GATM: variants seen among roughly 807,000 people sequenced by gnomAD.
GATM encodes glycine amidinotransferase, mitochondrial.
Under a neutral mutation model 54.2 loss-of-function variants are expected in GATM, and 23 were observed. The observed-to-expected ratio is 0.42, with a 90% CI of 0.31 to 0.60. The LOEUF is 0.60. Among genes scored for constraint, GATM ranks in the 20% least tolerant of loss-of-function variants. The pLI is 0.14. For missense variants in GATM, 401 were observed against 544.9 expected, an observed-to-expected ratio of 0.74 and a Z score of 2.63; for synonymous variants, 168 against 183.1, an observed-to-expected ratio of 0.92 and a Z score of 0.67.
At chr15:45,363,139 G>A (rs1329460587) in intron 8 of GATM, among the ~76,000 whole-genome samples, 3 of 152,088 alleles carry the variant, frequency 2.0e-5, no homozygotes, top group African/African-American at 7.2e-5. Context: ...AGGCATGGTG[G>A]TGTATGCTTG....
chr15:45,370,012 A>C (rs1426582152), intron 2 of GATM, among the ~76,000 whole-genome samples: 1 of 152,180 alleles, frequency 6.6e-6, no homozygotes, highest in Non-Finnish European at 1.5e-5. Flanking sequence ...TATTTTGTGA[A>C]GGGAAAAAAA....
At chr15:45,370,806 T>G (rs1443427902) in intron 2 of GATM, among the ~76,000 whole-genome samples, 1 of 152,258 alleles carries the variant, frequency 6.6e-6, no homozygotes, top group Non-Finnish European at 1.5e-5. Flanking sequence ...AGTCTCACTC[T>G]GTTGCCCAGA....
At chr15:45,382,297 G>T (rs1889750690), upstream of GATM, among the ~76,000 whole-genome samples, 1 of 152,134 alleles carries the variant, frequency 6.6e-6, no homozygotes, top group Non-Finnish European at 1.5e-5. Context: ...CTTGGCATAG[G>T]GGAGTTACCC....
chr15:45,397,078 C>T (rs1408494744), exon 3 of GATM: 1 of 151,576 alleles, frequency 6.6e-6, no homozygotes, highest in Admixed American at 6.6e-5. Flanking sequence ...ACCTTCTCTC[C>T]TTTCCTGTTG....
intron 3 of GATM, among the ~76,000 whole-genome samples, chr15:45,393,835 T>A (rs1313507002): frequency 6.6e-6 from 1 of 152,192 alleles, no homozygotes; most frequent in Admixed American, 6.5e-5. Flanking sequence ...ATGCTGAGCA[T>A]TTTGCATTTT....
chr15:45,385,086 A>G lies in GATM; in HGVS notation c.-318-8267T>C, dbSNP rs78435717. 9.8e-5 allele frequency among the ~76,000 whole-genome samples: 15 copies of G among 152,342 alleles called. No homozygotes were observed. The East Asian group carries it at 2.7e-3, about 27-fold the overall frequency. On this transcript the variant is annotated intron_variant, in intron 3 of 4. Transcript: ENST00000561148. ...GACAGTGCCCAAAAGTGAGGAAGTC[A>G]TATTGGCTAATTCCAGAAATGATGC...
chr15:45,377,407 G>A (rs934651870), intron 1 of GATM: 5 of 384,902 alleles, frequency 1.3e-5, no homozygotes, highest in Non-Finnish European at 2.5e-5. Context: ...AATTCTGAGA[G>A]TGAGCAACTG....
rs750115086 is a variant in GATM, at chr15:45,395,851, TA to T, written c.-319+1070del. On this transcript the variant is annotated intron_variant, in intron 3 of 4. Coordinates refer to the GATM transcript ENST00000561148. Reference sequence around the variant, plus strand: ...CGCACATTTCCTGGTACAGAATGAATAAAAAAAAAATGGCATTCAAGCTTTC... The same window carrying T: ...CGCACATTTCCTGGTACAGAATGAATAAAAAAAAATGGCATTCAAGCTTTC... Among the ~76,000 whole-genome samples the T allele has an allele frequency of 6.0e-3, 901 of 149,310 alleles. 11 individuals are homozygous for T. The highest frequency in any genetic ancestry group is 0.021 in the African/African-American group (858 of 40,736).
intron 6 of GATM, 83 bp from the exon 7 acceptor site, chr15:45,364,943 A>G (rs1273966549): frequency 9.0e-7 from 1 of 1,117,082 alleles, no homozygotes. Context: ...CCTTATCAGT[A>G]ATAATTCTCT....
exon 1 of GATM, chr15:45,402,145 T>A: frequency 2.1e-6 from 1 of 475,664 alleles, no homozygotes. Context: ...CCTAGTGAAG[T>A]GAGCTTAAGC....
chr15:45,366,238 G>A (rs1274445588), intron 5 of GATM, 28 bp from the exon 6 acceptor site: 5 of 1,612,988 alleles, frequency 3.1e-6, no homozygotes, highest in African/African-American at 2.7e-5. Context: ...ACATACGATC[G>A]ATAAATATTT....
In GATM at chr15:45,362,192, T is replaced by C; in HGVS notation, c.1189A>G (p.Asn397Asp). The change falls in exon 9 of 9, where the codon AAT (asparagine) becomes GAT (aspartate). Residue 397 changes from asparagine (N) to aspartate (D), a missense_variant. Asn to Asp is a conservative substitution (Grantham distance 23). Around this residue, in one of 3 missense-constraint regions of GATM, gnomAD observed 321 missense variants for 457.5 expected, o/e 0.70. Transcript: ENST00000396659. Reference sequence around the variant, plus strand: ...AAGCCTCCTCCCAGGGAATTGGCATTACGAATGTTAACTTTAATGGTAGTG... The same window carrying C: ...AAGCCTCCTCCCAGGGAATTGGCATCACGAATGTTAACTTTAATGGTAGTG... The part of the protein sequence containing the change: ...GITTIKVNIR[N>D]ANSLGGGFHC... 1 of 1,613,454 alleles carries C rather than the reference T, an allele frequency of 6.2e-7. No individual in the cohort carries two copies. Among genetic ancestry groups the C allele is most frequent in the South Asian group, 1.1e-5 (1 of 91,062 alleles).
chr15:45,391,709 C>G (rs1053216019), intron 3 of GATM, among the ~76,000 whole-genome samples: 1 of 152,206 alleles, frequency 6.6e-6, no homozygotes, highest in Non-Finnish European at 1.5e-5. Context: ...TTCTGCATTT[C>G]TCATAACTGA....
chr15:45,377,317 G>A lies in GATM; in HGVS notation c.70-498C>T, dbSNP rs527428500. On this transcript the variant is annotated intron_variant, in intron 1 of 8. Transcript: ENST00000396659. The stretch of plus-strand genomic sequence containing the variant: ...ATGAAAAGTTGGGAACATTTGTAAA[G>A]GACCTTATCTTTCAGAATAACCAGC... The A allele has an allele frequency of 8.2e-4, 361 of 438,936 alleles. 5 individuals carry two copies. The highest frequency in any genetic ancestry group is 5.3e-3 in the South Asian group (319 of 59,832). 27.2% of individuals were successfully genotyped at this position (438,936 alleles called of 1,614,324 possible).
In GATM at chr15:45,364,878, A is replaced by G. The variant is rs1008371015; in HGVS notation, c.979-18T>C. ...AGATCAATCTGTAAGACCAAAAAAA[A>G]CCCCCAAAACCGTTAAATCTACATA... is the stretch of plus-strand genomic sequence containing the variant. On this transcript the variant is annotated intron_variant, in intron 6 of 8. Transcript: ENST00000396659. 1 of 1,607,282 alleles carries G rather than the reference A, an allele frequency of 6.2e-7. No individual in the cohort carries two copies. The highest frequency in any genetic ancestry group is 1.3e-5 in the African/African-American group (1 of 74,702).
chr15:45,388,111 C>A (rs1318841225), intron 3 of GATM, among the ~76,000 whole-genome samples: 2 of 152,190 alleles, frequency 1.3e-5, no homozygotes, highest in Non-Finnish European at 2.9e-5. Flanking sequence ...GTCAGCCCCC[C>A]AGAGTGCTGA....
At chr15:45,376,513 G>C in intron 2 of GATM, 88 bp downstream of exon 2, 1 of 1,077,214 alleles carries the variant, frequency 9.3e-7, no homozygotes, top group Admixed American at 1.7e-5. Context: ...AGAGGTCTGG[G>C]AGTAAGCTGA....
chr15:45,393,184 T>C (rs1425446130), intron 3 of GATM, among the ~76,000 whole-genome samples: 8 of 152,224 alleles, frequency 5.3e-5, no homozygotes. Context: ...TACAAATGAT[T>C]AAAATCAGGT....
intron 2 of GATM, among the ~76,000 whole-genome samples, chr15:45,371,878 A>C (rs917978859): frequency 6.6e-6 from 1 of 152,240 alleles, no homozygotes; most frequent in East Asian, 1.9e-4. Flanking sequence ...TAATGTCAAA[A>C]ACAATATCTT....
Sources: allele counts gnomAD v4.1 joint callset (sites outside exome capture counted in the v4.1 genomes callset), GRCh38; gene constraint gnomAD v4.1.1; regional missense constraint gnomAD v4.1.1; transcripts MANE v1.5; gene names NCBI Gene and HGNC (gene_info 2026-07-23, HGNC 2026-07-21).